The following PDZRN4 variants were observed in gnomAD, a reference collection of about 807,000 sequenced individuals.
The protein encoded by PDZRN4 is PDZ domain-containing RING finger protein 4.
In PDZRN4, 70 loss-of-function variants were observed where a neutral mutation model predicts 99.0. The observed-to-expected ratio is 0.71, with a 90% CI of 0.58 to 0.86. The LOEUF is 0.86. Among genes scored for constraint, PDZRN4 ranks in the 40% least tolerant of loss-of-function variants. PDZRN4 has a pLI of 0.00. For missense variants in PDZRN4, 1,474 were observed against 1,331.2 expected (o/e 1.11, Z -1.67); for synonymous variants, 551 against 501.6 (o/e 1.10, Z -1.32).
At chr12:41,451,124 C>T (rs1952770900) in intron 3 of PDZRN4, among the ~76,000 whole-genome samples, 1 of 151,450 alleles carries the variant, frequency 6.6e-6, no homozygotes, top group Non-Finnish European at 1.5e-5. Context: ...CAGACCGTAA[C>T]AGTCTTCCAT....
chr12:41,234,164 G>T (rs1951050181), intron 3 of PDZRN4, among the ~76,000 whole-genome samples: 2 of 151,942 alleles, frequency 1.3e-5, no homozygotes, highest in Admixed American at 1.3e-4. Context: ...CCAATTTATA[G>T]AGCTACTACT....
chr12:41,329,251 A>G (rs1358130706), intron 3 of PDZRN4, among the ~76,000 whole-genome samples: 1 of 152,096 alleles, frequency 6.6e-6, no homozygotes, highest in African/African-American at 2.4e-5. Context: ...GCACACACCC[A>G]TTCTCCTAAA....
chr12:41,385,037 ACTTG>A (rs1952158397), intron 3 of PDZRN4, among the ~76,000 whole-genome samples: 1 of 152,212 alleles, frequency 6.6e-6, no homozygotes, highest in Non-Finnish European at 1.5e-5. Flanking sequence ...CTTAGCACCT[ACTTG>A]ATGCCAACTA....
At chr12:41,252,704 C>A (rs1389609947) in intron 3 of PDZRN4, among the ~76,000 whole-genome samples, 3 of 152,090 alleles carry the variant, frequency 2.0e-5, no homozygotes, top group African/African-American at 7.2e-5. Flanking sequence ...TGGGCCACTG[C>A]ACTCCAGCCT....
intron 3 of PDZRN4, among the ~76,000 whole-genome samples, chr12:41,376,043 T>G (rs1366683134): frequency 1.3e-5 from 2 of 152,212 alleles, no homozygotes; most frequent in Non-Finnish European, 2.9e-5. Flanking sequence ...TGCCTTCAAG[T>G]TTCATCCATT....
intron 3 of PDZRN4, among the ~76,000 whole-genome samples, chr12:41,331,545 G>T (rs571481945): frequency 2.6e-5 from 4 of 152,202 alleles, no homozygotes; most frequent in African/African-American, 9.6e-5. Flanking sequence ...GGGTATATAA[G>T]TAAGTTTTAG....
chr12:41,392,011 T>C (rs1404331350), intron 3 of PDZRN4, among the ~76,000 whole-genome samples: 1 of 152,188 alleles, frequency 6.6e-6, no homozygotes, highest in African/African-American at 2.4e-5. Flanking sequence ...ATGCTATAGA[T>C]GTTATATTCA....
At chr12:41,535,409 T>C (rs1938731759) in intron 5 of PDZRN4, among the ~76,000 whole-genome samples, 1 of 152,236 alleles carries the variant, frequency 6.6e-6, no homozygotes, top group Admixed American at 6.5e-5. Flanking sequence ...TGAACTATTT[T>C]AGACACATTC....
intron 3 of PDZRN4, among the ~76,000 whole-genome samples, chr12:41,428,361 C>G (rs1276959074): frequency 4.6e-5 from 7 of 152,092 alleles, no homozygotes; most frequent in Non-Finnish European, 8.8e-5. Context: ...TTTACTTATG[C>G]TTTCTTCTCA....
At chr12:41,200,495 G>A (rs1001726624) in intron 3 of PDZRN4, among the ~76,000 whole-genome samples, 2 of 152,096 alleles carry the variant, frequency 1.3e-5, no homozygotes, top group Non-Finnish European at 2.9e-5. Flanking sequence ...TTGAACTTGT[G>A]TTTGACTTGT....
chr12:41,210,489 A>G (rs1950881445), intron 3 of PDZRN4, among the ~76,000 whole-genome samples: 1 of 151,960 alleles, frequency 6.6e-6, no homozygotes, highest in Non-Finnish European at 1.5e-5. Context: ...AATATACTTA[A>G]ATTTTACAAC....
intron 2 of PDZRN4, among the ~76,000 whole-genome samples, chr12:41,192,862 G>C (rs1398446977): frequency 1.3e-5 from 2 of 152,218 alleles, no homozygotes; most frequent in Non-Finnish European, 2.9e-5. Context: ...ATATACTGTA[G>C]TTGCAAAGTT....
At chr12:41,244,701 G>A (rs1037927579) in intron 3 of PDZRN4, among the ~76,000 whole-genome samples, 1 of 133,190 alleles carries the variant, frequency 7.5e-6, no homozygotes, top group Non-Finnish European at 1.5e-5. Context: ...TTTTTGAGAC[G>A]GAGTCTCGCT....
chr12:41,558,760 T>G (rs1052113379), intron 7 of PDZRN4, among the ~76,000 whole-genome samples: 1 of 152,138 alleles, frequency 6.6e-6, no homozygotes, highest in Non-Finnish European at 1.5e-5. Flanking sequence ...TTAATACATG[T>G]CCCAGTAAAA....
rs759018976 is a variant in PDZRN4 at position 41,188,444 on chromosome 12, C to A, written c.-12C>A. ...CTCTGCTTTCGCTCCCCCTTTCTTC[C>A]CCATCCCTAACATGGGCTTTGCCCT... On this transcript the variant is annotated 5_prime_UTR_variant, in exon 1 of 10. Transcript: ENST00000402685. The A allele has an allele frequency of 5.7e-6, 9 of 1,568,978 alleles. No individual in the cohort carries two copies. The highest frequency in any genetic ancestry group is 7.7e-6 in the Non-Finnish European group (9 of 1,164,280).
chr12:41,281,848 G>C, intron 3 of PDZRN4, among the ~76,000 whole-genome samples: 1 of 152,170 alleles, frequency 6.6e-6, no homozygotes, highest in Non-Finnish European at 1.5e-5. Context: ...CACCAGGCCT[G>C]CCTTACAAGA....
At chr12:41,466,837 G>A (rs1445693428) in intron 3 of PDZRN4, among the ~76,000 whole-genome samples, 3 of 147,520 alleles carry the variant, frequency 2.0e-5, no homozygotes, top group Non-Finnish European at 4.4e-5. Flanking sequence ...GAACCATGCT[G>A]AGAAAAGCAG....
chr12:41,522,236 C>T (rs931958373), intron 5 of PDZRN4, among the ~76,000 whole-genome samples: 1 of 152,054 alleles, frequency 6.6e-6, no homozygotes, highest in African/African-American at 2.4e-5. Context: ...GATTTAATCA[C>T]TTCCTGTCTG....
intron 3 of PDZRN4, among the ~76,000 whole-genome samples, chr12:41,316,386 G>A (rs974913628): frequency 6.6e-6 from 1 of 151,286 alleles, no homozygotes; most frequent in Non-Finnish European, 1.5e-5. Context: ...TTCACCATAA[G>A]CAAATAATCT....
Sources: gnomAD v4.1 joint callset for allele counts (sites outside exome capture counted in the v4.1 genomes callset) on GRCh38, gnomAD v4.1.1 for gene constraint, MANE v1.5 for transcripts, NCBI Gene and HGNC (gene_info 2026-07-23, HGNC 2026-07-21) for gene names.